ZNF227: variants seen among roughly 807,000 people sequenced by gnomAD.
ZNF227 encodes zinc finger protein 227.
Under a neutral mutation model 13.2 loss-of-function variants are expected in ZNF227, and 12 were observed. The ratio of observed to expected loss-of-function variants is 0.91; its 90% confidence interval spans 0.58 to 1.47. ZNF227 has a LOEUF of 1.47. Among genes scored for constraint, ZNF227 ranks in the 40% most tolerant of loss-of-function variants. The probability of loss-of-function intolerance (pLI) is 0.00; values close to 1 mark genes in which losing one functional copy is unlikely to be tolerated. For synonymous variants in ZNF227, 338 were observed against 326.0 expected (o/e 1.04, Z -0.40); for missense variants, 885 against 967.5 (o/e 0.91, Z 1.13).
chr19:44,208,839 C>A (rs2122617381), upstream of ZNF227, among the ~76,000 whole-genome samples: 1 of 152,226 alleles, frequency 6.6e-6, no homozygotes, highest in East Asian at 1.9e-4. Context: ...AGAAATAATG[C>A]ATGACCATTA....
rs1974568206 is a variant in ZNF227, at chr19:44,236,884, G to A, written c.*54G>A. 6.9e-7 allele frequency: 1 copy of A among 1,439,186 alleles called. No homozygotes were observed. Among genetic ancestry groups the A allele is most frequent in the African/African-American group, 1.4e-5 (1 of 70,098 alleles). 89.2% of individuals were successfully genotyped at this position (1,439,186 alleles called of 1,614,324 possible). Reference sequence around the variant, plus strand: ...CTGAATGCACATCTTCAAGTTTTTGGCTAGTCCATGCTGGTGGTAAACCCT... The same window carrying A: ...CTGAATGCACATCTTCAAGTTTTTGACTAGTCCATGCTGGTGGTAAACCCT... On this transcript the variant is annotated 3_prime_UTR_variant, in exon 6 of 6. Transcript: ENST00000313040.
chr19:44,207,595 G>A (rs1486678688), upstream of ZNF227: 1 of 152,252 alleles, frequency 6.6e-6, no homozygotes, highest in Non-Finnish European at 1.5e-5. Flanking sequence ...CAAGTGTTTG[G>A]ATCCGCTGGG....
At position 44,235,607 on chromosome 19, in the gene ZNF227, G is replaced by A. The variant is rs1396973037; in HGVS notation, c.1177G>A (p.Val393Ile). The A allele has an allele frequency of 6.2e-7, 1 of 1,613,320 alleles. No homozygotes were observed. Among genetic ancestry groups the A allele is most frequent in the East Asian group, 2.2e-5 (1 of 44,788 alleles). ...GTGTGGTAAGGGCTTCGGTTGGAGT[G>A]TTAATCTCCGTGTTCACCAGAGGGT... is the stretch of plus-strand genomic sequence containing the variant. ...EECGKGFGWSVNLRVHQRVHR... is the reference protein window; with the variant it reads ...EECGKGFGWSINLRVHQRVHR... Residue 393 changes from valine to isoleucine, a missense_variant, in exon 6 of 6, where the codon GTT becomes ATT. Val to Ile is a conservative substitution (Grantham distance 29). Coordinates refer to ENST00000313040, the MANE Select transcript of ZNF227 (RefSeq NM_182490.3).
At chr19:44,229,627 A>G in intron 4 of ZNF227, 106 bp from the exon 5 acceptor site, 1 of 545,568 alleles carries the variant, frequency 1.8e-6, no homozygotes, top group South Asian at 6.5e-5. Flanking sequence ...AAATAAATAA[A>G]ATAATAAAAT....
chr19:44,230,402 G>T (rs1193000021), intron 5 of ZNF227, among the ~76,000 whole-genome samples: 1 of 152,102 alleles, frequency 6.6e-6, no homozygotes, highest in Non-Finnish European at 1.5e-5. Flanking sequence ...CAAAGTCCTT[G>T]TACTGAACTG....
chr19:44,208,100 C>A (rs1477592563), upstream of ZNF227, among the ~76,000 whole-genome samples: 1 of 152,144 alleles, frequency 6.6e-6, no homozygotes. Flanking sequence ...TAAGGACAAC[C>A]ACTGTATAGT....
chr19:44,235,746 ATG>A lies in ZNF227; in HGVS notation c.1323_1324del (p.Cys441TrpfsTer2). The A allele has an allele frequency of 6.2e-7, 1 of 1,614,050 alleles. No individual in the cohort carries two copies. Among genetic ancestry groups the A allele is most frequent in the South Asian group, 1.1e-5 (1 of 91,070 alleles). Reference sequence around the variant, plus strand: ...ACTGGAGAGAAACCCTACAAGTGTGATGTGTGTGGTAAGGGCTTCAGCCACAA... The same window carrying A: ...ACTGGAGAGAAACCCTACAAGTGTGATGTGTGGTAAGGGCTTCAGCCACAA... On this transcript the variant is annotated frameshift_variant, in exon 6 of 6. Transcript: ENST00000313040. LOFTEE classifies it low-confidence loss of function (END_TRUNC).
At chr19:44,224,615 G>A (rs1437248221) in intron 3 of ZNF227, among the ~76,000 whole-genome samples, 1 of 151,854 alleles carries the variant, frequency 6.6e-6, no homozygotes, top group Non-Finnish European at 1.5e-5. Flanking sequence ...TTTTCCATTT[G>A]CTTGGTAGAT....
intron 4 of ZNF227, 57 bp downstream of exon 4, chr19:44,228,629 C>T: frequency 3.9e-6 from 6 of 1,541,830 alleles, no homozygotes; most frequent in Non-Finnish European, 5.2e-6. Flanking sequence ...TCTCTTTGCT[C>T]TCAGGTGTTT....
In ZNF227 at chr19:44,213,262, C is replaced by T. The variant is rs531118066; in HGVS notation, c.-3+18C>T. ...AGCCCCAGGTACCTGCTCTTGAACG[C>T]ACTTTGTTGTTCCATTTTCTGTCCT... On this transcript the variant is annotated intron_variant, in intron 2 of 5. Transcript: ENST00000313040. 1 of 152,288 alleles carries T rather than the reference C, an allele frequency of 6.6e-6. No individual in the cohort carries two copies. The highest frequency in any genetic ancestry group is 2.4e-5 in the African/African-American group (1 of 41,566). 9.4% of individuals were successfully genotyped at this position (152,288 alleles called of 1,614,324 possible). A position where few individuals can be genotyped will look rare whatever the true frequency, so the allele number is the denominator to read the frequency against.
chr19:44,231,671 C>T (rs186035525), intron 5 of ZNF227, among the ~76,000 whole-genome samples: 78 of 152,276 alleles, frequency 5.1e-4, no homozygotes, highest in African/African-American at 1.7e-3. Context: ...AAAAAACTTA[C>T]AGAGAATGGA....
chr19:44,210,834 T>C (rs1025301718), upstream of ZNF227, among the ~76,000 whole-genome samples: 1 of 152,202 alleles, frequency 6.6e-6, no homozygotes, highest in Non-Finnish European at 1.5e-5. Context: ...TTAGGAGATA[T>C]ACTTAACCTC....
rs1293951592 is a variant in ZNF227, at chr19:44,236,326, C to T, written c.1896C>T (p.Tyr632=). The change falls in exon 6 of 6, where the codon TAC becomes TAT. Residue 632 remains tyrosine (Y), a synonymous_variant. Transcript: ENST00000313040. ...HQRVHTGEKP[Y]KCGVCGKGFS... ...GAGTCCATACTGGAGAGAAGCCATA[C>T]AAATGTGGTGTCTGTGGTAAGGGCT... 5 of 1,613,604 alleles carry T rather than the reference C, an allele frequency of 3.1e-6. No homozygotes were observed. Among genetic ancestry groups the T allele is most frequent in the Admixed American group, 1.7e-5 (1 of 59,986 alleles).
chr19:44,216,074 C>T (rs767744744), intron 2 of ZNF227, among the ~76,000 whole-genome samples: 4 of 145,292 alleles, frequency 2.8e-5, no homozygotes, highest in Non-Finnish European at 4.5e-5. Context: ...TTATTATAAC[C>T]ACCCTCAAAA....
intron 4 of ZNF227, 123 bp downstream of exon 4, chr19:44,228,695 AT>A: frequency 8.2e-7 from 1 of 1,216,976 alleles, no homozygotes; most frequent in Non-Finnish European, 1.1e-6. Flanking sequence ...AGGTTTTCTA[AT>A]CCCTGGGAAA....
intron 3 of ZNF227, 82 bp downstream of exon 3, chr19:44,217,934 A>C: frequency 5.2e-6 from 8 of 1,529,876 alleles, no homozygotes; most frequent in Non-Finnish European, 6.3e-6. Flanking sequence ...CTTTCTTGGA[A>C]AGGTTAGTGG....
intron 3 of ZNF227, among the ~76,000 whole-genome samples, chr19:44,219,697 T>C (rs193185290): frequency 5.5e-4 from 83 of 151,874 alleles, no homozygotes; most frequent in African/African-American, 1.7e-3. Flanking sequence ...ACTGGGAAAA[T>C]CTTTGGAGAG....
At chr19:44,224,101 C>T (rs1972841191) in intron 3 of ZNF227, among the ~76,000 whole-genome samples, 1 of 152,242 alleles carries the variant, frequency 6.6e-6, no homozygotes, top group South Asian at 2.1e-4. Flanking sequence ...ATCCTGAGTT[C>T]TAGTTTGATT....
At chr19:44,217,581 A>G (rs1568594466) in intron 2 of ZNF227, 2 of 715,500 alleles carry the variant, frequency 2.8e-6, no homozygotes, top group Non-Finnish European at 2.6e-6. Context: ...AAATCCTTGT[A>G]GCAAGGATGC....
Sources: gnomAD v4.1 joint callset for allele counts (sites outside exome capture counted in the v4.1 genomes callset) on GRCh38, gnomAD v4.1.1 for gene constraint, MANE v1.5 for transcripts, NCBI Gene and HGNC (gene_info 2026-07-23, HGNC 2026-07-21) for gene names.